The following KIF4A variants were observed in gnomAD, a reference collection of about 807,000 sequenced individuals.
KIF4A encodes kinesin family member 4A.
In KIF4A, 7 loss-of-function variants were observed where a neutral mutation model predicts 105.9. The observed-to-expected ratio is 0.07, with a 90% CI of 0.04 to 0.12. The LOEUF (loss-of-function observed/expected upper bound fraction) is 0.12. Ranked by LOEUF, KIF4A falls within the 10% of genes least tolerant of loss-of-function variation. The pLI is 1.00. For synonymous variants in KIF4A, 281 were observed against 331.3 expected, an observed-to-expected ratio of 0.85 and a Z score of 1.65; for missense variants, 558 against 929.2, an observed-to-expected ratio of 0.60 and a Z score of 5.19.
chrX:70,371,636 G>A (rs755979812), intron 15 of KIF4A, among the ~76,000 whole-genome samples: 1,708 of 105,744 alleles, frequency 0.016, 39 homozygotes, highest in African/African-American at 0.057. Flanking sequence ...CGGATGGGGC[G>A]GCTGGCCAGG....
At chrX:70,322,293 G>GT (rs369587963) in intron 7 of KIF4A, among the ~76,000 whole-genome samples, 10 of 108,050 alleles carry the variant, frequency 9.3e-5, no homozygotes, top group South Asian at 4.1e-4. Flanking sequence ...CCCTGTTGCT[G>GT]TTTTTTTTAA....
intron 3 of KIF4A, 41 bp downstream of exon 3, chrX:70,290,846 T>G (rs374708851): frequency 1.1e-6 from 1 of 918,777 alleles, no homozygotes; most frequent in Non-Finnish European, 1.6e-6. Flanking sequence ...TATATATTCC[T>G]TGAGCATATA....
At chrX:70,300,456 C>A (rs1460316405) in intron 5 of KIF4A, among the ~76,000 whole-genome samples, 1 of 111,370 alleles carries the variant, frequency 9.0e-6, no homozygotes, top group Admixed American at 9.6e-5. Context: ...TGTAAACACT[C>A]TTCAGATGGG....
At chrX:70,418,617 C>T (rs755824807) in intron 29 of KIF4A, among the ~76,000 whole-genome samples, 8 of 111,679 alleles carry the variant, frequency 7.2e-5, no homozygotes, top group Non-Finnish European at 1.5e-4. Context: ...AAGAGCAGCA[C>T]CAAGCAGGTC....
intron 7 of KIF4A, among the ~76,000 whole-genome samples, chrX:70,325,531 GC>G (rs1022632310): frequency 9.0e-6 from 1 of 111,170 alleles, no homozygotes; most frequent in Admixed American, 9.5e-5. Flanking sequence ...ACCCGCTTCG[GC>G]CCCCCAAAGT....
At chrX:70,294,802 T>C (rs2085774671) in intron 3 of KIF4A, among the ~76,000 whole-genome samples, 1 of 113,085 alleles carries the variant, frequency 8.8e-6, no homozygotes, top group African/African-American at 3.2e-5. Context: ...CTGGGCATGG[T>C]CGCTCAAGCC....
intron 28 of KIF4A, among the ~76,000 whole-genome samples, chrX:70,408,161 G>A (rs1051857831): frequency 3.6e-5 from 4 of 111,123 alleles, no homozygotes; most frequent in Admixed American, 1.9e-4. Flanking sequence ...GCCCAAGGTC[G>A]TAAAACTAAG....
intron 7 of KIF4A, among the ~76,000 whole-genome samples, chrX:70,314,038 A>G (rs780965337): frequency 0.011 from 1,198 of 111,983 alleles, 10 homozygotes; most frequent in Middle Eastern, 0.023. Flanking sequence ...AGTGTGGCTA[A>G]TGAGGAATAT....
chrX:70,346,743 C>T (rs1274081047), intron 13 of KIF4A, among the ~76,000 whole-genome samples: 3 of 111,314 alleles, frequency 2.7e-5, no homozygotes, highest in African/African-American at 9.8e-5. Flanking sequence ...AGGAGTCCTG[C>T]TGGACTCCTG....
At chrX:70,310,506 C>A (rs2085845560) in intron 7 of KIF4A, among the ~76,000 whole-genome samples, 1 of 111,306 alleles carries the variant, frequency 9.0e-6, no homozygotes, top group African/African-American at 3.3e-5. Context: ...TAGGTTATCT[C>A]AAATTTTTAG....
intron 22 of KIF4A, among the ~76,000 whole-genome samples, chrX:70,401,756 T>C (rs944297981): frequency 6.3e-5 from 7 of 111,928 alleles, no homozygotes; most frequent in African/African-American, 2.3e-4. Context: ...GTATAACACA[T>C]GTGAACAGAA....
At chrX:70,413,968 C>T (rs955964367) in intron 28 of KIF4A, among the ~76,000 whole-genome samples, 10 of 110,430 alleles carry the variant, frequency 9.1e-5, no homozygotes, top group African/African-American at 3.3e-4. Flanking sequence ...CTAAAAAGGC[C>T]AGTGTGACTA....
intron 18 of KIF4A, among the ~76,000 whole-genome samples, chrX:70,385,679 C>T (rs1196347856): frequency 9.0e-6 from 1 of 111,333 alleles, no homozygotes; most frequent in Non-Finnish European, 1.9e-5. Context: ...ACCATTCTAT[C>T]CAGATTGGAT....
chrX:70,349,710 A>G (rs749890708), intron 13 of KIF4A, among the ~76,000 whole-genome samples: 29 of 34,133 alleles, frequency 8.5e-4, no homozygotes, highest in Middle Eastern at 0.036. Context: ...CCGGGCAGAG[A>G]CGCTCCTCAC....
chrX:70,304,117 G>A (rs1315294795), intron 7 of KIF4A, among the ~76,000 whole-genome samples: 2 of 77,121 alleles, frequency 2.6e-5, no homozygotes, highest in Non-Finnish European at 4.8e-5. Context: ...AGTCCGCAGA[G>A]TGTGATGTTC....
intron 23 of KIF4A, 125 bp from the exon 24 acceptor site, chrX:70,403,739 A>G (rs935605503): frequency 3.0e-5 from 16 of 539,664 alleles, no homozygotes; most frequent in Non-Finnish European, 4.2e-5. Context: ...AAATAAGAAT[A>G]GACTTGAACA....
chrX:70,300,349 C>A (rs923649468), intron 5 of KIF4A, among the ~76,000 whole-genome samples: 1 of 111,434 alleles, frequency 9.0e-6, no homozygotes, highest in Non-Finnish European at 1.9e-5. Context: ...TTATATACCC[C>A]ATGTTAAGGC....
chrX:70,295,849 G>A (rs2085780369), intron 3 of KIF4A, among the ~76,000 whole-genome samples: 1 of 107,365 alleles, frequency 9.3e-6, no homozygotes, highest in African/African-American at 3.4e-5. Flanking sequence ...CCCGGGAGGT[G>A]GAGGTTGTAG....
intron 9 of KIF4A, 42 bp downstream of exon 9, chrX:70,330,374 G>T (rs748501006): frequency 7.4e-6 from 8 of 1,086,627 alleles, no homozygotes; most frequent in Admixed American, 6.8e-5. Context: ...TTACAAGTAT[G>T]TGAGTGGAAT....
Sources: allele counts gnomAD v4.1 joint callset (sites outside exome capture counted in the v4.1 genomes callset), GRCh38; gene constraint gnomAD v4.1.1; transcripts MANE v1.5; gene names NCBI Gene and HGNC (gene_info 2026-07-23, HGNC 2026-07-21).